SLC38A1: variants seen among roughly 807,000 people sequenced by gnomAD.
SLC38A1 encodes the protein solute carrier family 38 member 1.
SLC38A1 carries 18 observed loss-of-function variants against 60.3 expected under a neutral mutation model. That is an observed-to-expected ratio of 0.30 (90% CI 0.21 to 0.44). The LOEUF (loss-of-function observed/expected upper bound fraction) is 0.44, where lower values mean the gene tolerates loss of function less well. SLC38A1 is among the 20% of genes least tolerant of loss of function. SLC38A1 has a pLI of 1.00. For missense variants in SLC38A1, 448 were observed against 587.2 expected (o/e 0.76, Z 2.45); for synonymous variants, 196 against 212.1 (o/e 0.92, Z 0.66).
intron 1 of SLC38A1, among the ~76,000 whole-genome samples, chr12:46,264,878 G>A (rs564647534): frequency 1.3e-5 from 2 of 152,214 alleles, no homozygotes; most frequent in South Asian, 4.1e-4. Context: ...GTACTTCTGT[G>A]CACATACTTC....
intron 5 of SLC38A1, among the ~76,000 whole-genome samples, chr12:46,225,659 G>C (rs977316792): frequency 6.6e-6 from 1 of 152,150 alleles, no homozygotes; most frequent in African/African-American, 2.4e-5. Context: ...TAAGTAAATA[G>C]CATCTTAAGT....
intron 3 of SLC38A1, among the ~76,000 whole-genome samples, chr12:46,231,386 A>G (rs1396794936): frequency 6.6e-6 from 1 of 152,212 alleles, no homozygotes; most frequent in Non-Finnish European, 1.5e-5. Flanking sequence ...ACTATGTATT[A>G]TATTTGTGTA....
In SLC38A1 at chr12:46,239,816, G is replaced by A; in HGVS notation, c.-16C>T. ...AATGCATCATGATTAGAAAGTGTCT[G>A]TAGTTTGAAAATTAGTCCAAATTTC... On this transcript the variant is annotated 5_prime_UTR_variant, in exon 3 of 17. Transcript: ENST00000398637. 1 of 1,611,416 alleles carries A rather than the reference G, an allele frequency of 6.2e-7. No individual in the cohort carries two copies. Among genetic ancestry groups the A allele is most frequent in the Non-Finnish European group, 8.5e-7 (1 of 1,179,586 alleles).
At chr12:46,200,326 T>G (rs532865487) in intron 13 of SLC38A1, among the ~76,000 whole-genome samples, 1 of 151,802 alleles carries the variant, frequency 6.6e-6, no homozygotes, top group East Asian at 1.9e-4. Flanking sequence ...TGAAAAAAAG[T>G]CCCAAAGAAT....
At chr12:46,265,935 T>C (rs985158021) in intron 1 of SLC38A1, among the ~76,000 whole-genome samples, 3 of 152,140 alleles carry the variant, frequency 2.0e-5, no homozygotes, top group Admixed American at 6.5e-5. Context: ...GGACCTGAAC[T>C]TGGGCAGTGG....
At chr12:46,248,017 C>A (rs971759299) in intron 1 of SLC38A1, among the ~76,000 whole-genome samples, 5 of 152,206 alleles carry the variant, frequency 3.3e-5, no homozygotes, top group African/African-American at 9.6e-5. Context: ...GCCTGCCATA[C>A]AAGAGCTCCT....
rs1358690441 is a variant in SLC38A1 at position 46,268,077 on chromosome 12, C to T, written c.-209+449G>A. On this transcript the variant is annotated intron_variant, in intron 1 of 16. Coordinates refer to ENST00000398637, the MANE Select transcript of SLC38A1 (RefSeq NM_030674.4). This position sits in a 1 kb window ranked among gnomAD's most constrained non-coding sequence, Gnocchi z 4.4. ...CGGACATCACACGATCTCCTCTGGGCCTTGCGGACACAGGAAATTTTCACC... is the reference window on the plus strand; with the variant it reads ...CGGACATCACACGATCTCCTCTGGGTCTTGCGGACACAGGAAATTTTCACC... 2.6e-5 allele frequency among the ~76,000 whole-genome samples: 4 copies of T among 152,170 alleles called. No homozygotes were observed. Among genetic ancestry groups the T allele is most frequent in the Non-Finnish European group, 5.9e-5 (4 of 68,034 alleles).
chr12:46,237,534 G>A (rs1466028409), intron 3 of SLC38A1, among the ~76,000 whole-genome samples: 1 of 151,810 alleles, frequency 6.6e-6, no homozygotes, highest in Admixed American at 6.6e-5. Flanking sequence ...TTGCAATACA[G>A]GAACCAAAAG....
chr12:46,203,603 T>A (rs1939760524), intron 11 of SLC38A1, among the ~76,000 whole-genome samples: 1 of 152,214 alleles, frequency 6.6e-6, no homozygotes, highest in Admixed American at 6.5e-5. Flanking sequence ...TTTGGCTATA[T>A]CCTTACAATC....
At chr12:46,193,247 T>A (rs1037900254) in intron 16 of SLC38A1, among the ~76,000 whole-genome samples, 1 of 152,182 alleles carries the variant, frequency 6.6e-6, no homozygotes, top group Admixed American at 6.5e-5. Context: ...TGGTTTTGAG[T>A]GAGTTTCATA....
chr12:46,198,094 CCT>C, intron 14 of SLC38A1, 34 bp from the exon 15 acceptor site: 1 of 1,605,612 alleles, frequency 6.2e-7, no homozygotes. Context: ...TCTGTAAGTG[CCT>C]ACAGCATGCC....
chr12:46,212,357 C>T (rs1194160949), intron 5 of SLC38A1, among the ~76,000 whole-genome samples: 1 of 152,224 alleles, frequency 6.6e-6, no homozygotes, highest in Non-Finnish European at 1.5e-5. Flanking sequence ...TAAGCTTCAA[C>T]ATTGTTAACC....
rs1262280207 is a variant in SLC38A1, at chr12:46,188,001, A to C, written c.*969T>G. On this transcript the variant is annotated 3_prime_UTR_variant, in exon 17 of 17. Transcript: ENST00000398637. ...GGTACACATGATTCTCTGTGCAACT[A>C]GCTGGTGGACATGAATAAAAGCTGC... The C allele has an allele frequency of 4.6e-5, 7 of 152,174 alleles. No homozygotes were observed. The highest frequency in any genetic ancestry group is 1.7e-4 in the African/African-American group (7 of 41,442). The allele number at this position is 152,174 out of a possible 1,614,324, so 9.4% of individuals were successfully genotyped here. A position where few individuals can be genotyped will look rare whatever the true frequency, so the allele number is the denominator to read the frequency against.
chr12:46,194,760 T>G (rs1417633217), intron 16 of SLC38A1, among the ~76,000 whole-genome samples: 1 of 152,232 alleles, frequency 6.6e-6, no homozygotes, highest in Non-Finnish European at 1.5e-5. Flanking sequence ...GTTCTTGTGC[T>G]GTGGGTTTCA....
intron 1 of SLC38A1, among the ~76,000 whole-genome samples, chr12:46,253,767 C>T (rs1012670533): frequency 2.0e-5 from 3 of 152,136 alleles, no homozygotes; most frequent in East Asian, 3.8e-4. Flanking sequence ...TTTCCCCCCT[C>T]CCTTTTATAA....
intron 5 of SLC38A1, among the ~76,000 whole-genome samples, chr12:46,210,640 G>A (rs552018279): frequency 1.1e-4 from 17 of 152,154 alleles, no homozygotes; most frequent in African/African-American, 4.1e-4. Context: ...ATTGAATCAT[G>A]GGGGCAGTTC....
intron 5 of SLC38A1, among the ~76,000 whole-genome samples, chr12:46,210,733 C>T (rs1940124055): frequency 6.6e-6 from 1 of 152,156 alleles, no homozygotes; most frequent in African/African-American, 2.4e-5. Context: ...TCACTTGTCT[C>T]TCAATTCTCT....
chr12:46,210,563 G>A (rs1592090168), intron 5 of SLC38A1, among the ~76,000 whole-genome samples: 1 of 151,930 alleles, frequency 6.6e-6, no homozygotes, highest in Admixed American at 6.6e-5. Flanking sequence ...TGTCCCCACC[G>A]AAATCTCACC....
chr12:46,190,560 A>G (rs913758301), intron 16 of SLC38A1, among the ~76,000 whole-genome samples: 3 of 151,770 alleles, frequency 2.0e-5, no homozygotes, highest in South Asian at 2.1e-4. Flanking sequence ...CAACAGTGTA[A>G]AAGTGTTCCT....
Sources: gnomAD v4.1 joint callset for allele counts (sites outside exome capture counted in the v4.1 genomes callset) on GRCh38, gnomAD v4.1.1 for gene constraint, Gnocchi (gnomAD v3.1) non-coding constraint, MANE v1.5 for transcripts, NCBI Gene and HGNC (gene_info 2026-07-23, HGNC 2026-07-21) for gene names.